TBC1D2: variants seen among roughly 807,000 people sequenced by gnomAD.
TBC1D2 encodes TBC1 domain family member 2.
TBC1D2 carries 58 observed loss-of-function variants against 91.1 expected under a neutral mutation model. That is an observed-to-expected ratio of 0.64 (90% CI 0.52 to 0.79). The LOEUF is 0.79. TBC1D2 is among the 30% of genes least tolerant of loss of function. The pLI is 0.00. For missense variants in TBC1D2, 1,080 were observed against 1,208.3 expected (o/e 0.89, Z 1.57); for synonymous variants, 482 against 511.5 (o/e 0.94, Z 0.78).
intron 3 of TBC1D2, among the ~76,000 whole-genome samples, chr9:98,235,816 C>T (rs1181776027): frequency 6.6e-6 from 1 of 152,150 alleles, no homozygotes; most frequent in East Asian, 1.9e-4. Flanking sequence ...GGGCAGATCA[C>T]GAGGTCAGGA....
intron 2 of TBC1D2, among the ~76,000 whole-genome samples, chr9:98,249,529 C>G (rs942335706): frequency 6.6e-6 from 1 of 152,218 alleles, no homozygotes; most frequent in African/African-American, 2.4e-5. Flanking sequence ...TGATGCTGAT[C>G]TTTGCAGCAG....
At position 98,213,096 on chromosome 9, in the gene TBC1D2, C is replaced by T. The variant is rs935837334; in HGVS notation, c.1485+12G>A. The T allele has an allele frequency of 1.2e-6, 2 of 1,613,626 alleles. No homozygotes were observed. Among genetic ancestry groups the T allele is most frequent in the African/African-American group, 2.7e-5 (2 of 74,886 alleles). On this transcript the variant is annotated intron_variant, in intron 7 of 12. Coordinates refer to ENST00000465784, the MANE Select transcript of TBC1D2 (RefSeq NM_001267571.2). The stretch of plus-strand genomic sequence containing the variant: ...GGGATGGAGACGGCTGGAATAGGGC[C>T]CCACCCCGCACCTTCGTCAGAAGGG...
intron 3 of TBC1D2, among the ~76,000 whole-genome samples, chr9:98,236,204 C>A (rs1370099185): frequency 6.6e-6 from 1 of 152,016 alleles, no homozygotes; most frequent in African/African-American, 2.4e-5. Flanking sequence ...ATATTTCCAT[C>A]CTGGTCTTTC....
intron 6 of TBC1D2, among the ~76,000 whole-genome samples, chr9:98,218,693 T>C (rs1209493845): frequency 6.6e-6 from 1 of 152,190 alleles, no homozygotes; most frequent in Non-Finnish European, 1.5e-5. Context: ...TGATCTAGTG[T>C]TCTTTTTTTT....
chr9:98,201,695 C>T (rs79987207), intron 10 of TBC1D2, 31 bp from the exon 11 acceptor site: 111,589 of 1,591,788 alleles, frequency 0.07, 4,588 homozygotes, highest in Non-Finnish European at 0.082. Flanking sequence ...CTGTCATCTG[C>T]AGCCCCAGCG....
chr9:98,252,033 GA>G (rs140182714), intron 1 of TBC1D2, 107 bp from the exon 2 acceptor site: 4,131 of 1,232,200 alleles, frequency 3.4e-3, no homozygotes, highest in Admixed American at 6.5e-3. Flanking sequence ...TCTTTCCCAG[GA>G]AAAAAAAAAG....
chr9:98,209,749 T>TC (rs1828769507), intron 8 of TBC1D2, among the ~76,000 whole-genome samples: 1 of 103,732 alleles, frequency 9.6e-6, no homozygotes, highest in Non-Finnish European at 2.0e-5. Flanking sequence ...TTCCTTTCCT[T>TC]CCTTCCTTTC....
In TBC1D2 at chr9:98,252,400, G is replaced by A. The variant is rs188223661; in HGVS notation, c.370-474C>T. Reference sequence around the variant, plus strand: ...TGGAATAGGAGTAATCCTTGCCTTGGGGATGCACTGGAATCATGGATATGA... The same window carrying A: ...TGGAATAGGAGTAATCCTTGCCTTGAGGATGCACTGGAATCATGGATATGA... On this transcript the variant is annotated intron_variant, in intron 1 of 12. Coordinates refer to ENST00000465784, the MANE Select transcript of TBC1D2 (RefSeq NM_001267571.2). Among the ~76,000 whole-genome samples the A allele has an allele frequency of 7.9e-5, 12 of 152,270 alleles. No homozygotes were observed. The East Asian group carries it at 2.3e-3, about 29-fold the overall frequency.
Position 98,221,234 on chromosome 9 carries a change from C to CAAGGAG in TBC1D2, c.979-7_979-6insCTCCTT, listed in dbSNP as rs1454619412. ...TGCAGGATCTTCACTAGCTCCTGGG[C>CAAGGAG]AGGGAGAGGGAAGAATCTTGTGAGC... is the stretch of plus-strand genomic sequence containing the variant. On this transcript the variant is annotated splice_polypyrimidine_tract_variant and splice_region_variant and intron_variant, in intron 5 of 12. Transcript: ENST00000465784. 2.0e-6 allele frequency: 3 copies of CAAGGAG among 1,527,888 alleles called. No homozygotes were observed. The highest frequency in any genetic ancestry group is 1.8e-6 in the Non-Finnish European group (2 of 1,132,514). The allele number at this position is 1,527,888 out of a possible 1,614,324, so 94.6% of individuals were successfully genotyped here. A position where few individuals can be genotyped will look rare whatever the true frequency, so the allele number is the denominator to read the frequency against.
chr9:98,253,744 G>A (rs1829916419), intron 1 of TBC1D2, among the ~76,000 whole-genome samples: 1 of 151,984 alleles, frequency 6.6e-6, no homozygotes, highest in African/African-American at 2.4e-5. Context: ...CCTTCCACTT[G>A]GTGGAACTGA....
chr9:98,225,468 C>G lies in TBC1D2; in HGVS notation c.978+3484G>C, dbSNP rs538958766. ...TTGGTGCTTGTGTCTCATAGTGGGC[C>G]TCACCATGAGACTATGGAAGAGAGG... On this transcript the variant is annotated intron_variant, in intron 5 of 12. Coordinates refer to ENST00000465784, the MANE Select transcript of TBC1D2 (RefSeq NM_001267571.2). 4.6e-5 allele frequency among the ~76,000 whole-genome samples: 7 copies of G among 152,260 alleles called. No individual in the cohort carries two copies. The East Asian group carries it at 1.3e-3, about 29-fold the overall frequency.
In TBC1D2 at chr9:98,227,511, C is replaced by T. The variant is rs186257789; in HGVS notation, c.978+1441G>A. Among the ~76,000 whole-genome samples, 111 of 152,224 alleles carry T rather than the reference C, an allele frequency of 7.3e-4. 1 individual carries two copies. Among genetic ancestry groups the T allele is most frequent in the African/African-American group, 2.4e-3 (98 of 41,528 alleles). On this transcript the variant is annotated intron_variant, in intron 5 of 12. Coordinates refer to ENST00000465784, the MANE Select transcript of TBC1D2 (RefSeq NM_001267571.2). ...GTGGCTCACGCCTGTAATCCCAGCA[C>T]TTTGGGAGGCTGAGGTGGGCAGATC...
rs200863836 is a variant in TBC1D2, at chr9:98,208,935, C to T, written c.1883G>A (p.Arg628His). ...CCTCCAGACACGAGGCCGGTGTTCA[C>T]GGGGTACTCCTGCCCGCAGTAGCTG... is the stretch of plus-strand genomic sequence containing the variant. ...LKQLLRAGVP[R>H]EHRPRVWRWL... Residue 628 changes from arginine (R) to histidine (H), a missense_variant, in exon 9 of 13, where the codon CGT (arginine) becomes CAT (histidine). Physicochemically the swap from Arg to His is conservative, Grantham distance 29. Transcript: ENST00000465784. 4.1e-4 allele frequency: 662 copies of T among 1,614,134 alleles called. 2 individuals carry two copies. Among genetic ancestry groups the T allele is most frequent in the Admixed American group, 6.3e-4 (38 of 60,026 alleles).
chr9:98,208,978 G>T lies in TBC1D2; in HGVS notation c.1840C>A (p.Pro614Thr). Reference sequence around the variant, plus strand: ...AGTAGCTGCTTGAGCTCGGCTGAGGGCACAAGATCGCCCAGGGCAGCCCAG... The same window carrying T: ...AGTAGCTGCTTGAGCTCGGCTGAGGTCACAAGATCGCCCAGGGCAGCCCAG... ...ERWAALGDLVPSAELKQLLRA... is the reference protein window; with the variant it reads ...ERWAALGDLVTSAELKQLLRA... Residue 614 changes from proline (P) to threonine (T), a missense_variant, in exon 9 of 13, where the codon CCC becomes ACC. Coordinates refer to ENST00000465784, the MANE Select transcript of TBC1D2 (RefSeq NM_001267571.2). The T allele has an allele frequency of 6.2e-7, 1 of 1,614,146 alleles. No homozygotes were observed. The highest frequency in any genetic ancestry group is 8.5e-7 in the Non-Finnish European group (1 of 1,180,024).
Position 98,228,870 on chromosome 9 carries a change from C to G in TBC1D2, c.978+82G>C. 5.2e-6 allele frequency: 7 copies of G among 1,354,200 alleles called. No individual in the cohort carries two copies. Among genetic ancestry groups the G allele is most frequent in the Non-Finnish European group, 7.1e-6 (7 of 981,256 alleles). 83.9% of individuals were successfully genotyped at this position (1,354,200 alleles called of 1,614,324 possible). A position where few individuals can be genotyped will look rare whatever the true frequency, so the allele number is the denominator to read the frequency against. On this transcript the variant is annotated intron_variant, in intron 5 of 12. Transcript: ENST00000465784. The surrounding 1 kb of genome is among the most constrained non-coding windows in gnomAD (Gnocchi z 4.0). ...TAGCTGGTGCCCAGCACGGCTAATG[C>G]GTCCCATCTAGCTTATCCGAAAGGC... is the stretch of plus-strand genomic sequence containing the variant.
chr9:98,205,346 C>A (rs1828622572), intron 9 of TBC1D2, among the ~76,000 whole-genome samples: 1 of 152,198 alleles, frequency 6.6e-6, no homozygotes, highest in Non-Finnish European at 1.5e-5. Context: ...GAATTCGAAC[C>A]TAAGGCATTT....
chr9:98,242,763 C>A (rs1422229807), intron 3 of TBC1D2, among the ~76,000 whole-genome samples: 1 of 149,718 alleles, frequency 6.7e-6, no homozygotes, highest in Non-Finnish European at 1.5e-5. Flanking sequence ...AGGATACAAA[C>A]CCAGGCAGTT....
At chr9:98,209,365 C>T (rs1327755888) in intron 8 of TBC1D2, among the ~76,000 whole-genome samples, 1 of 152,168 alleles carries the variant, frequency 6.6e-6, no homozygotes, top group Non-Finnish European at 1.5e-5. Context: ...CCAACGAGAT[C>T]CTCTGTTGTA....
At chr9:98,237,125 C>G (rs1324897593) in intron 3 of TBC1D2, among the ~76,000 whole-genome samples, 1 of 151,902 alleles carries the variant, frequency 6.6e-6, no homozygotes, top group East Asian at 1.9e-4. Context: ...TTGCTTGAGG[C>G]CAGGAGCTCG....
Sources: gnomAD v4.1 joint callset for allele counts (sites outside exome capture counted in the v4.1 genomes callset) on GRCh38, gnomAD v4.1.1 for gene constraint, Gnocchi (gnomAD v3.1) non-coding constraint, MANE v1.5 for transcripts, NCBI Gene and HGNC (gene_info 2026-07-23, HGNC 2026-07-21) for gene names.